Variants in LRMDA observed in about 807,000 individuals in gnomAD.
LRMDA encodes the protein leucine rich melanocyte differentiation associated, also known as leucine-rich melanocyte differentiation-associated protein.
LRMDA carries 18 observed loss-of-function variants against 29.8 expected under a neutral mutation model. The observed-to-expected ratio is 0.60, with a 90% CI of 0.42 to 0.90. The LOEUF (loss-of-function observed/expected upper bound fraction) is 0.90. Ranked by LOEUF, LRMDA falls within the 40% of genes least tolerant of loss-of-function variation. The pLI is 0.00. For missense variants in LRMDA, 273 were observed against 273.9 expected (o/e 1.00, Z 0.02); for synonymous variants, 125 against 109.4 (o/e 1.14, Z -0.89).
At chr10:75,617,123 A>G (rs1457833872) in intron 2 of LRMDA, among the ~76,000 whole-genome samples, 1 of 152,158 alleles carries the variant, frequency 6.6e-6, no homozygotes, top group Admixed American at 6.5e-5. Context: ...CCTTGGCTGG[A>G]GCTACTTTAT....
At chr10:75,490,728 C>T (rs1261125754) in intron 2 of LRMDA, among the ~76,000 whole-genome samples, 1 of 152,128 alleles carries the variant, frequency 6.6e-6, no homozygotes, top group Non-Finnish European at 1.5e-5. Flanking sequence ...CAATGTTTTT[C>T]CATCTATGTG....
intron 2 of LRMDA, among the ~76,000 whole-genome samples, chr10:75,681,722 CAGT>C (rs1412296081): frequency 1.3e-5 from 2 of 152,226 alleles, no homozygotes; most frequent in Non-Finnish European, 2.9e-5. Flanking sequence ...AGACCAGTAT[CAGT>C]GGAGCAGGGA....
At chr10:76,223,979 C>T (rs1036783176) in intron 5 of LRMDA, among the ~76,000 whole-genome samples, 1 of 152,144 alleles carries the variant, frequency 6.6e-6, no homozygotes, top group Non-Finnish European at 1.5e-5. Flanking sequence ...GGATCAGCTA[C>T]CTGCCAACCA....
At chr10:75,480,388 A>G (rs2132052422) in intron 2 of LRMDA, among the ~76,000 whole-genome samples, 1 of 149,734 alleles carries the variant, frequency 6.7e-6, no homozygotes, top group Non-Finnish European at 1.5e-5. Flanking sequence ...GAACGAGTGT[A>G]TTCAAGGGAC....
At chr10:76,361,420 A>G (rs755407650) in intron 6 of LRMDA, among the ~76,000 whole-genome samples, 4 of 152,204 alleles carry the variant, frequency 2.6e-5, no homozygotes, top group South Asian at 2.1e-4. Flanking sequence ...AAGGGATAGT[A>G]TGGGACACGG....
Position 76,105,626 on chromosome 10 carries a change from C to T in LRMDA, c.516+46843C>T, listed in dbSNP as rs573227070. On this transcript the variant is annotated intron_variant, in intron 5 of 6. Transcript: ENST00000611255. Reference sequence around the variant, plus strand: ...CCCCAAGCCAAGACATGCCTGAAGCCACCAGCAACTGGAAGCGGCAAGGAT... The same window carrying T: ...CCCCAAGCCAAGACATGCCTGAAGCTACCAGCAACTGGAAGCGGCAAGGAT... Among the ~76,000 whole-genome samples the T allele has an allele frequency of 1.1e-4, 16 of 152,284 alleles. No homozygotes were observed. In the South Asian group the frequency reaches 3.1e-3, roughly 30 times the overall value.
At chr10:76,329,668 G>T (rs1309836677) in intron 6 of LRMDA, among the ~76,000 whole-genome samples, 1 of 152,130 alleles carries the variant, frequency 6.6e-6, no homozygotes, top group Non-Finnish European at 1.5e-5. Context: ...GAAATTGATT[G>T]CTGGGACTGT....
intron 2 of LRMDA, among the ~76,000 whole-genome samples, chr10:75,869,442 T>C (rs1045950922): frequency 6.6e-6 from 1 of 152,178 alleles, no homozygotes; most frequent in Non-Finnish European, 1.5e-5. Context: ...TGTCTTTGAG[T>C]ATGTTAGCTC....
intron 2 of LRMDA, among the ~76,000 whole-genome samples, chr10:75,695,858 A>T (rs747045720): frequency 6.6e-6 from 1 of 152,044 alleles, no homozygotes; most frequent in Non-Finnish European, 1.5e-5. Flanking sequence ...TCATCCACCC[A>T]CTATACCTCT....
intron 2 of LRMDA, among the ~76,000 whole-genome samples, chr10:75,694,826 G>T (rs1175669272): frequency 6.6e-6 from 1 of 152,210 alleles, no homozygotes; most frequent in East Asian, 1.9e-4. Context: ...AGGAATTGGT[G>T]TGCCAATCGA....
intron 6 of LRMDA, among the ~76,000 whole-genome samples, chr10:76,378,880 G>T (rs1184843389): frequency 9.7e-6 from 1 of 103,028 alleles, no homozygotes. Context: ...TTTTTGAGAC[G>T]ATGTCTTGCT....
chr10:75,658,312 A>G (rs1051866572), intron 2 of LRMDA, among the ~76,000 whole-genome samples: 2 of 150,944 alleles, frequency 1.3e-5, no homozygotes, highest in Non-Finnish European at 3.0e-5. Flanking sequence ...AAAAAAAAAA[A>G]GGGAGGCAGG....
chr10:76,079,595 A>T (rs1159936658), intron 5 of LRMDA, among the ~76,000 whole-genome samples: 6 of 152,138 alleles, frequency 3.9e-5, no homozygotes, highest in African/African-American at 1.4e-4. Flanking sequence ...CCAACATCCC[A>T]TTATAAAAAG....
chr10:75,496,324 A>C (rs963165916), intron 2 of LRMDA, among the ~76,000 whole-genome samples: 20 of 152,188 alleles, frequency 1.3e-4, no homozygotes, highest in African/African-American at 4.8e-4. Context: ...TAAAAAATCT[A>C]TAAAACAGAG....
intron 2 of LRMDA, among the ~76,000 whole-genome samples, chr10:75,851,393 T>A (rs1427340277): frequency 6.6e-6 from 1 of 152,218 alleles, no homozygotes; most frequent in Non-Finnish European, 1.5e-5. Flanking sequence ...GCCTCCTGGC[T>A]TCTCTCTTTT....
intron 2 of LRMDA, among the ~76,000 whole-genome samples, chr10:75,609,115 G>A (rs962632977): frequency 1.3e-5 from 2 of 152,162 alleles, no homozygotes; most frequent in South Asian, 2.1e-4. Flanking sequence ...AGCATTCAGG[G>A]TTGTGCTAGC....
chr10:75,704,301 TAGC>T (rs1842341159), intron 2 of LRMDA, among the ~76,000 whole-genome samples: 1 of 152,262 alleles, frequency 6.6e-6, no homozygotes, highest in African/African-American at 2.4e-5. Context: ...TCATATGTAT[TAGC>T]AGAATTGTCA....
chr10:75,479,412 C>A (rs952845990), intron 2 of LRMDA, among the ~76,000 whole-genome samples: 2 of 151,242 alleles, frequency 1.3e-5, no homozygotes, highest in African/African-American at 2.4e-5. Context: ...GAGGCTGAGG[C>A]AGGATAATGG....
At chr10:75,564,324 G>A (rs1178249525) in intron 2 of LRMDA, among the ~76,000 whole-genome samples, 1 of 152,206 alleles carries the variant, frequency 6.6e-6, no homozygotes, top group Admixed American at 6.5e-5. Context: ...TGTGGGCATA[G>A]GACCCTCTGA....
Sources: gnomAD v4.1 joint callset for allele counts (sites outside exome capture counted in the v4.1 genomes callset) on GRCh38, gnomAD v4.1.1 for gene constraint, MANE v1.5 for transcripts, NCBI Gene and HGNC (gene_info 2026-07-23, HGNC 2026-07-21) for gene names.